The following WDR19 variants were observed in gnomAD, a reference collection of about 807,000 sequenced individuals.
WDR19 encodes WD repeat domain 19, also known as WD repeat-containing protein 19.
A neutral mutation model predicts 180.0 loss-of-function variants in WDR19; 121 were observed. The ratio of observed to expected loss-of-function variants is 0.67; its 90% CI spans 0.58 to 0.78. The LOEUF (loss-of-function observed/expected upper bound fraction) is 0.78, where lower values mean the gene tolerates loss of function less well. Among genes scored for constraint, WDR19 ranks in the 30% least tolerant of loss-of-function variants. WDR19 has a pLI of 0.00. For synonymous variants in WDR19, 497 were observed against 540.7 expected (o/e 0.92, Z 1.12); for missense variants, 1,450 against 1,640.7 (o/e 0.88, Z 2.01).
At chr4:39,199,779 A>C (rs943323099) in intron 6 of WDR19, among the ~76,000 whole-genome samples, 186 bp downstream of exon 6, 1 of 152,216 alleles carries the variant, frequency 6.6e-6, no homozygotes, top group Non-Finnish European at 1.5e-5. Context: ...TTTGATATGA[A>C]TATGTTATCC....
intron 17 of WDR19, among the ~76,000 whole-genome samples, chr4:39,231,315 CAA>C (rs56002679): frequency 2.1e-3 from 181 of 87,220 alleles, no homozygotes; most frequent in East Asian, 5.8e-3. Flanking sequence ...ACTCCGTCTT[CAA>C]AAAAAAAAAA....
intron 5 of WDR19, among the ~76,000 whole-genome samples, chr4:39,196,349 T>TGTG (rs1726748316): frequency 6.6e-6 from 1 of 152,250 alleles, no homozygotes; most frequent in Non-Finnish European, 1.5e-5. Context: ...GTGAGGTGTC[T>TGTG]AGTATACACT....
chr4:39,220,437 T>C (rs1369340423), intron 14 of WDR19, among the ~76,000 whole-genome samples: 9 of 151,838 alleles, frequency 5.9e-5, no homozygotes, highest in Non-Finnish European at 1.5e-5. Flanking sequence ...TCCTGCCTTA[T>C]CCTTCTGAGT....
At chr4:39,246,530 G>A (rs576221795) in intron 24 of WDR19, among the ~76,000 whole-genome samples, 7 of 152,346 alleles carry the variant, frequency 4.6e-5, no homozygotes, top group African/African-American at 1.2e-4. Context: ...GCAGCGCACC[G>A]TGTGTAAGCC....
intron 3 of WDR19, 79 bp downstream of exon 3, chr4:39,186,683 T>A: frequency 1.0e-6 from 1 of 964,700 alleles, no homozygotes; most frequent in East Asian, 2.9e-5. Flanking sequence ...CTTAAAATTA[T>A]AATCAGATGG....
chr4:39,253,088 C>T (rs1034198430), intron 24 of WDR19, 58 bp from the exon 25 acceptor site: 21 of 1,495,716 alleles, frequency 1.4e-5, no homozygotes, highest in Non-Finnish European at 1.9e-5. Flanking sequence ...CATTTATCAA[C>T]ATTTTCTCCC....
chr4:39,215,323 T>G (rs1728955620), intron 10 of WDR19, among the ~76,000 whole-genome samples: 1 of 151,660 alleles, frequency 6.6e-6, no homozygotes, highest in African/African-American at 2.4e-5. Context: ...CTTTCTTTCT[T>G]TCTTTTTTTT....
chr4:39,204,288 TTGGTCAGGC>T (rs1727711083), intron 7 of WDR19, among the ~76,000 whole-genome samples: 2 of 152,122 alleles, frequency 1.3e-5, no homozygotes, highest in Admixed American at 6.5e-5. Flanking sequence ...TTTCTCCATG[TTGGTCAGGC>T]TGGTCTCAAA....
chr4:39,255,741 G>T, intron 26 of WDR19, 107 bp from the exon 27 acceptor site: 1 of 512,870 alleles, frequency 1.9e-6, no homozygotes, highest in Non-Finnish European at 3.4e-6. Flanking sequence ...ATTGATGTTT[G>T]CTGTTAAGAG....
At chr4:39,245,068 C>CT (rs1732373786) in intron 23 of WDR19, among the ~76,000 whole-genome samples, 1 of 151,384 alleles carries the variant, frequency 6.6e-6, no homozygotes, top group African/African-American at 2.4e-5. Flanking sequence ...TCCTGAGTAG[C>CT]TGGGATTACA....
intron 14 of WDR19, among the ~76,000 whole-genome samples, chr4:39,223,848 G>C (rs1235875791): frequency 6.6e-6 from 1 of 152,170 alleles, no homozygotes; most frequent in African/African-American, 2.4e-5. Context: ...TTATCAGTCT[G>C]TATAAATTTT....
chr4:39,194,036 A>G (rs779134249), intron 4 of WDR19, among the ~76,000 whole-genome samples: 2 of 152,240 alleles, frequency 1.3e-5, no homozygotes, highest in African/African-American at 2.4e-5. Context: ...CGTAGAATGC[A>G]TGTCAGAACT....
At chr4:39,236,803 A>G (rs1278762772) in intron 20 of WDR19, among the ~76,000 whole-genome samples, 1 of 152,180 alleles carries the variant, frequency 6.6e-6, no homozygotes, top group Non-Finnish European at 1.5e-5. Context: ...TCCATAATCT[A>G]TTCTGAGAAA....
intron 14 of WDR19, among the ~76,000 whole-genome samples, chr4:39,223,925 C>T (rs1729965376): frequency 6.6e-6 from 1 of 152,108 alleles, no homozygotes; most frequent in Non-Finnish European, 1.5e-5. Flanking sequence ...TGATATTAAA[C>T]CTTTATATCA....
intron 36 of WDR19, among the ~76,000 whole-genome samples, chr4:39,281,236 T>TAG (rs1553919999): frequency 0.053 from 5,501 of 103,924 alleles, 231 homozygotes; most frequent in Non-Finnish European, 0.071. Flanking sequence ...TATATATATA[T>TAG]AGAGAGAGAG....
At position 39,278,412 on chromosome 4, in the gene WDR19, T is replaced by C. The variant is rs529621010; in HGVS notation, c.3918-127T>C. The C allele has an allele frequency of 9.5e-4, 792 of 830,992 alleles. 6 individuals carry two copies. Among genetic ancestry groups the C allele is most frequent in the Middle Eastern group, 8.3e-3 (36 of 4,356 alleles). 51.5% of individuals were successfully genotyped at this position (830,992 alleles called of 1,614,324 possible). A position where few individuals can be genotyped will look rare whatever the true frequency, so the allele number is the denominator to read the frequency against. ...GCATGAGACTGAATAGTTCTGATTC[T>C]CAAATTGCATGGTGGACATGTGTTA... On this transcript the variant is annotated intron_variant, in intron 35 of 36. Transcript: ENST00000399820.
intron 9 of WDR19, among the ~76,000 whole-genome samples, chr4:39,208,785 G>GTACT (rs755073016): frequency 6.6e-6 from 1 of 152,048 alleles, no homozygotes; most frequent in African/African-American, 2.4e-5. Flanking sequence ...CTTGTATTAG[G>GTACT]TACTGTAAGT....
chr4:39,208,910 C>T (rs1728222590), intron 9 of WDR19, among the ~76,000 whole-genome samples: 1 of 152,126 alleles, frequency 6.6e-6, no homozygotes, highest in African/African-American at 2.4e-5. Context: ...CAGAGGGATC[C>T]TGGAACCCAA....
At chr4:39,186,689 G>A (rs2109744068) in intron 3 of WDR19, 85 bp downstream of exon 3, 2 of 919,234 alleles carry the variant, frequency 2.2e-6, no homozygotes, top group Non-Finnish European at 1.6e-6. Flanking sequence ...ATTATAATCA[G>A]ATGGAATCTT....
Sources: allele counts gnomAD v4.1 joint callset (sites outside exome capture counted in the v4.1 genomes callset), GRCh38; gene constraint gnomAD v4.1.1; transcripts MANE v1.5; gene names NCBI Gene and HGNC (gene_info 2026-07-23, HGNC 2026-07-21).